The following GALNT13 variants were observed in gnomAD, a reference collection of about 807,000 sequenced individuals.
GALNT13 encodes the protein UDP-GalNAc:polypeptide N-acetylgalactosaminyltransferase 13.
GALNT13 carries 28 observed loss-of-function variants against 64.2 expected under a neutral mutation model. That is an observed-to-expected ratio of 0.44 (90% confidence interval 0.32 to 0.60). The LOEUF (loss-of-function observed/expected upper bound fraction) is 0.60. GALNT13 is among the 20% of genes least tolerant of loss of function. The pLI is 0.05. For missense variants in GALNT13, 577 were observed against 669.8 expected (o/e 0.86, Z 1.53); for synonymous variants, 214 against 224.6 (o/e 0.95, Z 0.42).
At chr2:153,402,089 C>T in the GALNT13 span, among the ~76,000 whole-genome samples, 43 of 144,980 alleles carry the variant, frequency 3.0e-4, no homozygotes, top group East Asian at 3.9e-4. Flanking sequence ...CCATATTTAG[C>T]GCTTCCTTCA....
the GALNT13 span, among the ~76,000 whole-genome samples, chr2:153,456,681 T>G: frequency 1.3e-5 from 2 of 152,246 alleles, no homozygotes; most frequent in Non-Finnish European, 2.9e-5. Flanking sequence ...CATAACAACT[T>G]GTAAATTAAG....
Position 154,146,315 on chromosome 2 carries a change from G to A in GALNT13, c.311+5810G>A, listed in dbSNP as rs370347791. 1.4e-4 allele frequency among the ~76,000 whole-genome samples: 21 copies of A among 151,870 alleles called. No homozygotes were observed. In the South Asian group the frequency reaches 4.4e-3, roughly 32 times the overall value. ...ACACATGTCTAGGCATGTTCTCAGAGACACATTTAAGTACGTTGTATGCAG... is the reference window on the plus strand; with the variant it reads ...ACACATGTCTAGGCATGTTCTCAGAAACACATTTAAGTACGTTGTATGCAG... On this transcript the variant is annotated intron_variant, in intron 4 of 12. Coordinates refer to ENST00000392825, the MANE Select transcript of GALNT13 (RefSeq NM_052917.4).
the GALNT13 span, among the ~76,000 whole-genome samples, chr2:153,844,201 C>T: frequency 1.3e-5 from 2 of 152,310 alleles, no homozygotes; most frequent in African/African-American, 4.8e-5. Context: ...CAGCATGCTT[C>T]TGCCTGGACA....
chr2:153,630,789 ATATATATATATATATATATTTTTTT>A, the GALNT13 span, among the ~76,000 whole-genome samples: 8 of 12,374 alleles, frequency 6.5e-4, no homozygotes, highest in African/African-American at 1.6e-3. Flanking sequence ...ATATATATAT[ATATATATATATATATATATTTTTTT>A]TTTTTTTTTT....
chr2:153,279,785 G>A, the GALNT13 span, among the ~76,000 whole-genome samples: 1,211 of 151,664 alleles, frequency 8.0e-3, 11 homozygotes, highest in African/African-American at 0.028. Flanking sequence ...GAATTTTTGC[G>A]TCTATGTTCA....
the GALNT13 span, among the ~76,000 whole-genome samples, chr2:153,435,589 C>A: frequency 6.6e-6 from 1 of 151,920 alleles, no homozygotes; most frequent in Non-Finnish European, 1.5e-5. Context: ...CTCTTTGAAG[C>A]AATTGTGAAT....
At chr2:153,297,598 G>A in the GALNT13 span, among the ~76,000 whole-genome samples, 1 of 152,180 alleles carries the variant, frequency 6.6e-6, no homozygotes, top group African/African-American at 2.4e-5. Context: ...TGATAAGTGT[G>A]AACATTTAGG....
At chr2:153,990,206 CAATTAGTAG>C (rs1486487650) in intron 3 of GALNT13, among the ~76,000 whole-genome samples, 1 of 151,810 alleles carries the variant, frequency 6.6e-6, no homozygotes, top group East Asian at 1.9e-4. Flanking sequence ...CAAAATCAGA[CAATTAGTAG>C]ATGGTAGTGT....
At chr2:153,915,733 A>G (rs973930477) in intron 2 of GALNT13, among the ~76,000 whole-genome samples, 1 of 152,138 alleles carries the variant, frequency 6.6e-6, no homozygotes, top group Non-Finnish European at 1.5e-5. Context: ...CTTCATCCAC[A>G]AGAGTTTTCC....
the GALNT13 span, among the ~76,000 whole-genome samples, chr2:153,265,112 A>C: frequency 1.3e-5 from 2 of 152,174 alleles, no homozygotes; most frequent in Non-Finnish European, 2.9e-5. Context: ...AGTCCCTCCC[A>C]GAGCTGCAAG....
chr2:153,369,142 T>A, the GALNT13 span, among the ~76,000 whole-genome samples: 2 of 152,092 alleles, frequency 1.3e-5, no homozygotes, highest in African/African-American at 4.8e-5. Context: ...AAATACAACC[T>A]ATCAAAATGT....
the GALNT13 span, among the ~76,000 whole-genome samples, chr2:153,334,354 G>C: frequency 3.3e-5 from 5 of 152,182 alleles, no homozygotes; most frequent in African/African-American, 1.2e-4. Flanking sequence ...TCTAGGAATA[G>C]AGGCTGTGCT....
the GALNT13 span, among the ~76,000 whole-genome samples, chr2:153,305,755 AT>A: frequency 6.9e-3 from 1,046 of 152,296 alleles, 15 homozygotes; most frequent in East Asian, 0.035. Flanking sequence ...AGTGTTGAGC[AT>A]TCCGTTTACC....
At chr2:153,394,935 G>A in the GALNT13 span, among the ~76,000 whole-genome samples, 1 of 152,122 alleles carries the variant, frequency 6.6e-6, no homozygotes, top group South Asian at 2.1e-4. Flanking sequence ...TCCTCCAGAG[G>A]CTGAAGTAGG....
chr2:154,422,718 G>A (rs1316598393), intron 11 of GALNT13, among the ~76,000 whole-genome samples: 2 of 152,066 alleles, frequency 1.3e-5, no homozygotes, highest in Non-Finnish European at 2.9e-5. Flanking sequence ...TTTTAAGACC[G>A]TAACACCAAG....
chr2:154,418,646 G>A (rs1030385544), intron 11 of GALNT13, among the ~76,000 whole-genome samples: 1 of 152,138 alleles, frequency 6.6e-6, no homozygotes, highest in African/African-American at 2.4e-5. Flanking sequence ...TGGACTTCTG[G>A]CCTCCTGAAA....
At chr2:153,880,246 A>G (rs1041259646) in intron 1 of GALNT13, among the ~76,000 whole-genome samples, 4 of 152,114 alleles carry the variant, frequency 2.6e-5, no homozygotes, top group African/African-American at 9.7e-5. Flanking sequence ...GAATATTTGT[A>G]ATTTATAATC....
the GALNT13 span, among the ~76,000 whole-genome samples, chr2:153,821,925 C>T: frequency 2.0e-5 from 3 of 152,060 alleles, no homozygotes; most frequent in African/African-American, 7.2e-5. Flanking sequence ...AAAAGTAATA[C>T]AAAGGATCCT....
the GALNT13 span, among the ~76,000 whole-genome samples, chr2:153,345,628 C>CTTTTT: frequency 5.5e-5 from 6 of 109,038 alleles, no homozygotes; most frequent in South Asian, 2.8e-4. Flanking sequence ...CTTTTCTTTT[C>CTTTTT]CTTTCTTTTT....
Sources: allele counts gnomAD v4.1 joint callset (sites outside exome capture counted in the v4.1 genomes callset), GRCh38; gene constraint gnomAD v4.1.1; transcripts MANE v1.5; gene names NCBI Gene and HGNC (gene_info 2026-07-23, HGNC 2026-07-21).